HMCN1: variants seen among roughly 807,000 people sequenced by gnomAD.
HMCN1 encodes hemicentin-1.
HMCN1 carries 321 observed loss-of-function variants against 625.9 expected under a neutral mutation model. That is an observed-to-expected ratio of 0.51 (90% CI 0.47 to 0.56). The LOEUF is 0.56. Ranked by LOEUF, HMCN1 falls within the 20% of genes least tolerant of loss-of-function variation. The pLI, the probability that HMCN1 is intolerant of heterozygous loss-of-function variation, is 0.00. For missense variants in HMCN1, 6,588 were observed against 6,887.3 expected (o/e 0.96, Z 1.54); for synonymous variants, 2,425 against 2,417.6 (o/e 1.00, Z -0.09).
chr1:185,805,281 T>C (rs573339850), intron 1 of HMCN1, among the ~76,000 whole-genome samples: 7 of 152,326 alleles, frequency 4.6e-5, no homozygotes, highest in Admixed American at 1.3e-4. Flanking sequence ...TTTCCCAAAA[T>C]ATTTTTTATT....
intron 68 of HMCN1, among the ~76,000 whole-genome samples, chr1:186,099,028 G>A (rs548990355): frequency 6.6e-6 from 1 of 152,054 alleles, no homozygotes; most frequent in Admixed American, 6.6e-5. Context: ...GGAGACAGGG[G>A]GAGTAGGTCA....
At position 186,024,878 on chromosome 1, in the gene HMCN1, A is replaced by G. The variant is rs140531478; in HGVS notation, c.5749+1725A>G. On this transcript the variant is annotated intron_variant, in intron 36 of 106. Transcript: ENST00000271588. ...CCAGGGACCAGTTTCTTGGAAGACA[A>G]TTTTCCCACAGACTAGGGAGAGGGA... 2.0e-3 allele frequency among the ~76,000 whole-genome samples: 307 copies of G among 152,200 alleles called. 2 individuals are homozygous for G. Among genetic ancestry groups the G allele is most frequent in the African/African-American group, 7.2e-3 (298 of 41,506 alleles).
At chr1:185,779,042 C>G (rs996868112) in intron 1 of HMCN1, among the ~76,000 whole-genome samples, 8 of 152,208 alleles carry the variant, frequency 5.3e-5, no homozygotes, top group Non-Finnish European at 1.2e-4. Context: ...GCCATTCCAA[C>G]TGGTGTGAGA....
At chr1:186,007,015 T>C in intron 29 of HMCN1, 113 bp from the exon 30 acceptor site, 1 of 834,692 alleles carries the variant, frequency 1.2e-6, no homozygotes, top group Non-Finnish European at 2.0e-6. Context: ...ATTTTATTTT[T>C]TAAATTAACT....
chr1:186,055,865 A>C (rs1366348289), intron 45 of HMCN1, among the ~76,000 whole-genome samples, 191 bp downstream of exon 45: 1 of 151,980 alleles, frequency 6.6e-6, no homozygotes, highest in Non-Finnish European at 1.5e-5. Flanking sequence ...TACCTTGCTG[A>C]AATAAGCGCA....
At chr1:185,809,203 G>A (rs1007376812) in intron 1 of HMCN1, among the ~76,000 whole-genome samples, 2 of 152,040 alleles carry the variant, frequency 1.3e-5, no homozygotes, top group Non-Finnish European at 2.9e-5. Flanking sequence ...TACAGACGGG[G>A]CTGGAGACTA....
rs752068664 is a variant in HMCN1, at chr1:186,187,942, A to T, written c.16474A>T (p.Met5492Leu). 6 of 1,613,772 alleles carry T rather than the reference A, an allele frequency of 3.7e-6. No homozygotes were observed. Among genetic ancestry groups the T allele is most frequent in the Middle Eastern group, 3.3e-4 (2 of 6,054 alleles). The change falls in exon 106 of 107, where the codon ATG (methionine) becomes TTG (leucine). Residue 5492 changes from methionine (M) to leucine (L), a missense_variant. By Grantham distance (15) the Met-to-Leu change is conservative (BLOSUM62 2). Around this residue, in one of 3 missense-constraint regions of HMCN1, gnomAD observed 1,954 missense variants for 2,013.1 expected, o/e 0.97. Transcript: ENST00000271588. ...HCGPNRMCFN[M>L]RGSYQCIDTP... ...TGGACCCAATCGCATGTGCTTCAAC[A>T]TGAGAGGAAGCTACCAGTGCATCGA...
At chr1:185,987,308 A>G in intron 19 of HMCN1, 124 bp from the exon 20 acceptor site, 3 of 725,344 alleles carry the variant, frequency 4.1e-6, no homozygotes, top group Non-Finnish European at 7.6e-6. Context: ...TTTTTATCAG[A>G]AAATGTTAAA....
chr1:185,803,050 C>T (rs1299058338), intron 1 of HMCN1, among the ~76,000 whole-genome samples: 1 of 151,600 alleles, frequency 6.6e-6, no homozygotes, highest in East Asian at 1.9e-4. Context: ...CTCCTAGAAT[C>T]CGAATGCTTA....
chr1:186,092,809 A>T (rs1208127503), intron 64 of HMCN1, among the ~76,000 whole-genome samples: 1 of 152,022 alleles, frequency 6.6e-6, no homozygotes, highest in Non-Finnish European at 1.5e-5. Flanking sequence ...TCAGTTTCTC[A>T]TTGTAACAGT....
intron 102 of HMCN1, among the ~76,000 whole-genome samples, chr1:186,173,930 A>G (rs1374341941): frequency 2.0e-5 from 3 of 152,232 alleles, no homozygotes. Flanking sequence ...TACTTTGTAT[A>G]TAGCAAATGT....
At chr1:186,048,905 ATT>A in intron 42 of HMCN1, 66 bp downstream of exon 42, 1 of 944,482 alleles carries the variant, frequency 1.1e-6, no homozygotes, top group Non-Finnish European at 1.7e-6. Context: ...TTAAAATGAC[ATT>A]CATCCATGTA....
chr1:185,875,318 T>C (rs1395329431), intron 4 of HMCN1, among the ~76,000 whole-genome samples: 1 of 152,024 alleles, frequency 6.6e-6, no homozygotes, highest in Non-Finnish European at 1.5e-5. Context: ...ACACACCTCA[T>C]ATACTCATGT....
At chr1:185,821,059 A>G (rs1045032796) in intron 1 of HMCN1, among the ~76,000 whole-genome samples, 2 of 151,724 alleles carry the variant, frequency 1.3e-5, no homozygotes, top group African/African-American at 2.4e-5. Context: ...ATATATCTAT[A>G]TATATGCTTA....
At position 185,734,714 on chromosome 1, in the gene HMCN1, T is replaced by C; in HGVS notation, c.-66T>C. The C allele has an allele frequency of 6.8e-7, 1 of 1,473,536 alleles. No homozygotes were observed. Among genetic ancestry groups the C allele is most frequent in the Non-Finnish European group, 9.5e-7 (1 of 1,055,466 alleles). The allele number at this position is 1,473,536 out of a possible 1,614,324, so 91.3% of individuals were successfully genotyped here. A position where few individuals can be genotyped will look rare whatever the true frequency, so the allele number is the denominator to read the frequency against. ...ACTCTGAGAGGAAACCCTCTGCCTG[T>C]TGTTGAGGAGGACTGAGCACAGTGC... On this transcript the variant is annotated 5_prime_UTR_variant, in exon 1 of 107. Coordinates refer to ENST00000271588, the MANE Select transcript of HMCN1 (RefSeq NM_031935.3).
At position 186,114,135 on chromosome 1, in the gene HMCN1, G is replaced by A; in HGVS notation, c.11276+12G>A. 2 of 1,613,692 alleles carry A rather than the reference G, an allele frequency of 1.2e-6. No homozygotes were observed. Among genetic ancestry groups the A allele is most frequent in the Non-Finnish European group, 8.5e-7 (1 of 1,179,782 alleles). Reference sequence around the variant, plus strand: ...GGGAATCATGCAAGGTAACCATACTGGAAAATTAAAAAATGCTATAAGACC... The same window carrying A: ...GGGAATCATGCAAGGTAACCATACTAGAAAATTAAAAAATGCTATAAGACC... On this transcript the variant is annotated intron_variant, in intron 73 of 106. Coordinates refer to ENST00000271588, the MANE Select transcript of HMCN1 (RefSeq NM_031935.3).
chr1:186,069,659 A>C lies in HMCN1; in HGVS notation c.7880-4A>C, dbSNP rs371907632. 1.2e-5 allele frequency: 19 copies of C among 1,600,458 alleles called. No individual in the cohort carries two copies. The African/African-American group carries it at 2.5e-4, about 21-fold the overall frequency. On this transcript the variant is annotated splice_polypyrimidine_tract_variant and splice_region_variant and intron_variant, in intron 50 of 106. Coordinates refer to ENST00000271588, the MANE Select transcript of HMCN1 (RefSeq NM_031935.3). ...AGACTCTTTGATGTCCCATGATTTT[A>C]CAGGAGGCAGAACTCTGCAGATCCT... is the stretch of plus-strand genomic sequence containing the variant.
At chr1:185,864,290 C>T (rs1364591280) in intron 2 of HMCN1, among the ~76,000 whole-genome samples, 180 bp from the exon 3 acceptor site, 2 of 152,178 alleles carry the variant, frequency 1.3e-5, no homozygotes, top group Admixed American at 6.5e-5. Context: ...CTTAAGTACA[C>T]ATTTTTCTAG....
intron 1 of HMCN1, among the ~76,000 whole-genome samples, chr1:185,835,355 A>G (rs1017229332): frequency 5.3e-5 from 8 of 149,706 alleles, no homozygotes; most frequent in African/African-American, 7.4e-5. Flanking sequence ...AGTTTTGGAT[A>G]TGTGCCACAG....
Sources: gnomAD v4.1 joint callset for allele counts (sites outside exome capture counted in the v4.1 genomes callset) on GRCh38, gnomAD v4.1.1 for gene constraint, gnomAD v4.1.1 regional missense constraint, MANE v1.5 for transcripts, NCBI Gene and HGNC (gene_info 2026-07-23, HGNC 2026-07-21) for gene names.